COL4A4: variants seen among roughly 807,000 people sequenced by gnomAD.
COL4A4 encodes the protein collagen alpha-4(IV) chain.
COL4A4 carries 105 observed loss-of-function variants against 192.9 expected under a neutral mutation model. The ratio of observed to expected loss-of-function variants is 0.54; its 90% CI spans 0.46 to 0.64. The LOEUF (loss-of-function observed/expected upper bound fraction) is 0.64. Ranked by LOEUF, COL4A4 falls within the 30% of genes least tolerant of loss-of-function variation. The pLI, the probability that COL4A4 is intolerant of heterozygous loss-of-function variation, is 0.00. For missense variants in COL4A4, 1,967 were observed against 2,169.3 expected, an observed-to-expected ratio of 0.91 and a Z score of 1.85; for synonymous variants, 762 against 769.9, an observed-to-expected ratio of 0.99 and a Z score of 0.17.
chr2:227,012,223 G>T lies in COL4A4; in HGVS notation c.4291C>A (p.Arg1431Ser), dbSNP rs536570392. 6.2e-7 allele frequency: 1 copy of T among 1,614,014 alleles called. No individual in the cohort carries two copies. Among genetic ancestry groups the T allele is most frequent in the African/African-American group, 1.3e-5 (1 of 74,990 alleles). ...GVPGSPGPPG[R>S]KGDTGEDGYP... Reference sequence around the variant, plus strand: ...CCGTCTTCTCCTGTGTCACCTTTACGTCCGGGAGGCCCAGGAGACCCAGGG... The same window carrying T: ...CCGTCTTCTCCTGTGTCACCTTTACTTCCGGGAGGCCCAGGAGACCCAGGG... Residue 1431 changes from arginine (R) to serine (S), a missense_variant, in exon 45 of 48, where the codon CGT becomes AGT. Physicochemically the swap from Arg to Ser is moderately radical, Grantham distance 110. Transcript: ENST00000396625.
At position 227,094,278 on chromosome 2, in the gene COL4A4, G is replaced by A. The variant is rs768501162; in HGVS notation, c.1216C>T (p.Pro406Ser). The A allele has an allele frequency of 1.2e-5, 20 of 1,613,542 alleles. No homozygotes were observed. In the Admixed American group the frequency reaches 2.7e-4, roughly 22 times the overall value. ...CCAGGAAATCCTTGTGGCCCAGGGG[G>A]TCCTATCATGCCTGCAAGATAAATC... ...PGEACAGMIGPPGPQGFPGLP... is the reference protein window; with the variant it reads ...PGEACAGMIGSPGPQGFPGLP... Residue 406 changes from proline (P) to serine (S), a missense_variant, in exon 20 of 48, where the codon CCC (proline) becomes TCC (serine). Transcript: ENST00000396625.
At chr2:227,148,040 C>T (rs1242306834) in intron 1 of COL4A4, among the ~76,000 whole-genome samples, 1 of 151,966 alleles carries the variant, frequency 6.6e-6, no homozygotes, top group African/African-American at 2.4e-5. Flanking sequence ...ACAGCAAATA[C>T]ATATAAAAGT....
At chr2:227,092,223 C>G (rs1327309201) in intron 20 of COL4A4, among the ~76,000 whole-genome samples, 1 of 152,290 alleles carries the variant, frequency 6.6e-6, no homozygotes, top group Admixed American at 6.5e-5. Flanking sequence ...GATTTCCTAA[C>G]TAAAATTTTA....
At chr2:227,068,943 G>A (rs1471487677) in intron 25 of COL4A4, among the ~76,000 whole-genome samples, 2 of 150,194 alleles carry the variant, frequency 1.3e-5, no homozygotes, top group African/African-American at 2.5e-5. Context: ...GTTTGCAGAC[G>A]ACATGATTGT....
At chr2:227,144,465 T>C in intron 3 of COL4A4, 51 bp downstream of exon 3, 2 of 1,500,140 alleles carry the variant, frequency 1.3e-6, no homozygotes, top group Non-Finnish European at 1.9e-6. Flanking sequence ...AAATTATGCA[T>C]TCTATAAAGT....
Position 227,051,072 on chromosome 2 carries a change from C to T in COL4A4, c.3055G>A (p.Glu1019Lys). Residue 1019 changes from glutamate (E) to lysine (K), a missense_variant, in exon 33 of 48, where the codon GAG becomes AAG. Coordinates refer to ENST00000396625, the MANE Select transcript of COL4A4 (RefSeq NM_000092.5). ...PPGFHRGEPG[E>K]KGQPGPPGPP... ...CCAGGAGGCCCTGGCTGACCTTTCTCACCAGGTTCCCCTCTGTGAAATCCA... is the reference window on the plus strand; with the variant it reads ...CCAGGAGGCCCTGGCTGACCTTTCTTACCAGGTTCCCCTCTGTGAAATCCA... 2 of 1,614,180 alleles carry T rather than the reference C, an allele frequency of 1.2e-6. No homozygotes were observed. Among genetic ancestry groups the T allele is most frequent in the Non-Finnish European group, 1.7e-6 (2 of 1,180,034 alleles).
Position 227,147,527 on chromosome 2 carries a change from T to G in COL4A4, c.-44A>C. 1 of 1,570,194 alleles carries G rather than the reference T, an allele frequency of 6.4e-7. No individual in the cohort carries two copies. Among genetic ancestry groups the G allele is most frequent in the Non-Finnish European group, 8.8e-7 (1 of 1,142,190 alleles). On this transcript the variant is annotated 5_prime_UTR_variant, in exon 2 of 48. Coordinates refer to ENST00000396625, the MANE Select transcript of COL4A4 (RefSeq NM_000092.5). The stretch of plus-strand genomic sequence containing the variant: ...CTTAAAAAATATTCTGCCAGTCTTC[T>G]CTTCCAGAAGGTTCTTGTTGACAAG...
At chr2:227,141,176 C>G (rs956143300) in intron 3 of COL4A4, among the ~76,000 whole-genome samples, 15 of 152,102 alleles carry the variant, frequency 9.9e-5, no homozygotes, top group Admixed American at 6.5e-4. Context: ...TGCTAGGACC[C>G]AAGGGCATGG....
intron 43 of COL4A4, chr2:227,022,514 A>AT (rs1559431288): frequency 5.4e-6 from 3 of 559,066 alleles, no homozygotes; most frequent in East Asian, 4.9e-5. Context: ...TCTCTGGGCC[A>AT]TTTTTTACTG....
chr2:227,135,752 C>T (rs1174121704), intron 4 of COL4A4, among the ~76,000 whole-genome samples: 1 of 152,118 alleles, frequency 6.6e-6, no homozygotes, highest in Non-Finnish European at 1.5e-5. Context: ...AAGCAATTCT[C>T]CTGCCTCAGC....
At chr2:226,974,386 C>T in the COL4A4 span, among the ~76,000 whole-genome samples, 1 of 152,032 alleles carries the variant, frequency 6.6e-6, no homozygotes, top group Non-Finnish European at 1.5e-5. Flanking sequence ...TACAGGCGCC[C>T]ACCACTGGGC....
chr2:227,045,840 A>AG lies in COL4A4; in HGVS notation c.3289+1634_3289+1635insC, dbSNP rs1559487870. ...TACACATATATATATATACACACAT[A>AG]TATATATACACATATATATATACAC... On this transcript the variant is annotated intron_variant, in intron 35 of 47. Transcript: ENST00000396625. Among the ~76,000 whole-genome samples the AG allele has an allele frequency of 2.3e-3, 137 of 59,294 alleles. 37 individuals are homozygous for AG. The highest frequency in any genetic ancestry group is 6.9e-3 in the African/African-American group (94 of 13,544). The allele number at this position is 59,294 out of a possible 152,430, so 38.9% of individuals were successfully genotyped here.
intron 28 of COL4A4, among the ~76,000 whole-genome samples, chr2:227,058,419 T>C (rs747050525): frequency 2.6e-5 from 4 of 152,196 alleles, no homozygotes; most frequent in Non-Finnish European, 5.9e-5. Context: ...GATTACTGGG[T>C]CATTATTTTT....
At chr2:227,102,633 G>A (rs1259140832) in intron 15 of COL4A4, among the ~76,000 whole-genome samples, 156 bp downstream of exon 15, 1 of 152,110 alleles carries the variant, frequency 6.6e-6, no homozygotes, top group African/African-American at 2.4e-5. Flanking sequence ...GATGCTCTGG[G>A]ATATTTAGAT....
chr2:227,119,390 CCAT>C (rs1553695888), intron 6 of COL4A4, among the ~76,000 whole-genome samples: 1 of 149,902 alleles, frequency 6.7e-6, no homozygotes, highest in Non-Finnish European at 1.5e-5. Context: ...ATATCTTGCA[CCAT>C]ATTTTATACA....
chr2:227,032,464 A>G (rs530404639), intron 38 of COL4A4, among the ~76,000 whole-genome samples, 188 bp from the exon 39 acceptor site: 21 of 152,338 alleles, frequency 1.4e-4, no homozygotes, highest in Admixed American at 3.9e-4. Context: ...CTGGTCAGCC[A>G]TAAGTTTTAT....
In COL4A4 at chr2:227,006,008, T is replaced by A. The variant is rs1299556558; in HGVS notation, c.*1317A>T. The A allele has an allele frequency of 6.6e-6, 1 of 152,484 alleles. No individual in the cohort carries two copies. The highest frequency in any genetic ancestry group is 1.5e-5 in the Non-Finnish European group (1 of 68,034). 9.4% of individuals were successfully genotyped at this position (152,484 alleles called of 1,614,324 possible). Reference sequence around the variant, plus strand: ...TTTTAGAAAATACTAATGCCAAATGTCAAACTGTTGCCTTGGTACAAGACT... The same window carrying A: ...TTTTAGAAAATACTAATGCCAAATGACAAACTGTTGCCTTGGTACAAGACT... On this transcript the variant is annotated 3_prime_UTR_variant, in exon 48 of 48. Coordinates refer to ENST00000396625, the MANE Select transcript of COL4A4 (RefSeq NM_000092.5).
intron 37 of COL4A4, among the ~76,000 whole-genome samples, chr2:227,039,657 G>A (rs1970388471): frequency 6.6e-6 from 1 of 152,136 alleles, no homozygotes; most frequent in Non-Finnish European, 1.5e-5. Context: ...GTAGGAAGAA[G>A]TGGAGGGTAG....
intron 25 of COL4A4, among the ~76,000 whole-genome samples, chr2:227,068,819 C>T (rs13024520): frequency 0.14 from 19,970 of 145,272 alleles, 1,263 homozygotes; most frequent in African/African-American, 0.23. Flanking sequence ...GACAGGGATG[C>T]CCTCTCTCAC....
Sources: gnomAD v4.1 joint callset for allele counts (sites outside exome capture counted in the v4.1 genomes callset) on GRCh38, gnomAD v4.1.1 for gene constraint, MANE v1.5 for transcripts, NCBI Gene and HGNC (gene_info 2026-07-23, HGNC 2026-07-21) for gene names.